The following FRMD3 variants were observed in gnomAD, a reference collection of about 807,000 sequenced individuals.
FRMD3 encodes the protein FERM domain-containing protein 3.
Under a neutral mutation model 70.2 loss-of-function variants are expected in FRMD3, and 33 were observed. That is an observed-to-expected ratio of 0.47 (90% CI 0.36 to 0.63). The LOEUF (loss-of-function observed/expected upper bound fraction) is 0.63, where lower values mean the gene tolerates loss of function less well. Ranked by LOEUF, FRMD3 falls within the 20% of genes least tolerant of loss-of-function variation. The probability of loss-of-function intolerance (pLI) is 0.00; values close to 1 mark genes in which losing one functional copy is unlikely to be tolerated. For synonymous variants in FRMD3, 279 were observed against 255.9 expected, an observed-to-expected ratio of 1.09 and a Z score of -0.86; for missense variants, 632 against 711.4, an observed-to-expected ratio of 0.89 and a Z score of 1.27.
chr9:83,284,061 ATT>A (rs71365307), intron 13 of FRMD3, among the ~76,000 whole-genome samples: 48,601 of 98,030 alleles, frequency 0.5, 10,583 homozygotes, highest in Middle Eastern at 0.59. Flanking sequence ...CTAGGATGTT[ATT>A]TTTTTTTTTT....
intron 3 of FRMD3, among the ~76,000 whole-genome samples, chr9:83,372,568 A>G (rs1223686612): frequency 6.6e-6 from 1 of 152,078 alleles, no homozygotes; most frequent in African/African-American, 2.4e-5. Context: ...TCCCACACTT[A>G]ATGACTAACC....
intron 1 of FRMD3, among the ~76,000 whole-genome samples, chr9:83,428,064 T>C (rs1826863711): frequency 1.3e-5 from 2 of 152,138 alleles, no homozygotes; most frequent in African/African-American, 4.8e-5. Context: ...GTAGCAAACA[T>C]GACTATAAAA....
intron 2 of FRMD3, among the ~76,000 whole-genome samples, chr9:83,384,314 G>T (rs1342703226): frequency 6.6e-6 from 1 of 152,178 alleles, no homozygotes; most frequent in Non-Finnish European, 1.5e-5. Flanking sequence ...GTGATGAGCA[G>T]CTGTGAAGTA....
In FRMD3 at chr9:83,537,890, C is replaced by T. The variant is rs11999979; in HGVS notation, c.147+195G>A. 1.7e-3 allele frequency among the ~76,000 whole-genome samples: 259 copies of T among 151,952 alleles called. 1 individual carries two copies. The highest frequency in any genetic ancestry group is 6.0e-3 in the African/African-American group (250 of 41,448). On this transcript the variant is annotated intron_variant, in intron 1 of 13. Coordinates refer to ENST00000304195, the MANE Select transcript of FRMD3 (RefSeq NM_174938.6). This position sits in a 1 kb window ranked among gnomAD's most constrained non-coding sequence, Gnocchi z 4.1. Reference sequence around the variant, plus strand: ...GGGCGCGGATAACGCGTGCCTGGCGCTTGCAGGGCACCATGCCCCTCCATG... The same window carrying T: ...GGGCGCGGATAACGCGTGCCTGGCGTTTGCAGGGCACCATGCCCCTCCATG...
chr9:83,433,451 C>T (rs757592592), intron 1 of FRMD3, among the ~76,000 whole-genome samples: 2 of 152,186 alleles, frequency 1.3e-5, no homozygotes, highest in Non-Finnish European at 2.9e-5. Context: ...CAGCAGTCCC[C>T]AACCTTTTTG....
intron 12 of FRMD3, among the ~76,000 whole-genome samples, chr9:83,295,455 T>C (rs1436885895): frequency 2.0e-5 from 3 of 152,208 alleles, no homozygotes; most frequent in African/African-American, 7.2e-5. Context: ...CAGTTTTTCA[T>C]TTTTGGATAA....
chr9:83,275,604 CAT>C (rs1368982577), intron 13 of FRMD3, among the ~76,000 whole-genome samples: 1 of 152,154 alleles, frequency 6.6e-6, no homozygotes, highest in African/African-American at 2.4e-5. Context: ...GATCAAGCAC[CAT>C]ATACTGTGAA....
chr9:83,470,004 T>C (rs1341600240), intron 1 of FRMD3, among the ~76,000 whole-genome samples: 1 of 152,224 alleles, frequency 6.6e-6, no homozygotes, highest in Non-Finnish European at 1.5e-5. Flanking sequence ...CTTTTTAAAG[T>C]ACAGTTGATC....
intron 4 of FRMD3, among the ~76,000 whole-genome samples, chr9:83,344,383 T>A (rs1823880066): frequency 6.6e-6 from 1 of 152,166 alleles, no homozygotes; most frequent in Non-Finnish European, 1.5e-5. Flanking sequence ...GTCAACTGGA[T>A]TGAGCCATGG....
At chr9:83,528,546 T>A (rs894432457) in intron 1 of FRMD3, among the ~76,000 whole-genome samples, 11 of 152,104 alleles carry the variant, frequency 7.2e-5, no homozygotes, top group African/African-American at 2.7e-4. Flanking sequence ...CAATTTTTTT[T>A]TTTGAGACAG....
the FRMD3 span, among the ~76,000 whole-genome samples, chr9:83,575,862 A>G: frequency 3.9e-5 from 6 of 152,166 alleles, no homozygotes; most frequent in African/African-American, 1.4e-4. Context: ...ATACTCTTCT[A>G]GAAAATAGAA....
chr9:83,467,670 T>A (rs1472876121), intron 1 of FRMD3: 5 of 1,535,200 alleles, frequency 3.3e-6, no homozygotes, highest in Non-Finnish European at 4.4e-6. Flanking sequence ...ACAAAAAGGA[T>A]TTGCAGTGCC....
intron 13 of FRMD3, among the ~76,000 whole-genome samples, chr9:83,274,971 G>C (rs1274535582): frequency 6.6e-6 from 1 of 152,208 alleles, no homozygotes; most frequent in South Asian, 2.1e-4. Context: ...TGGCTTCCAG[G>C]CCTCTTGCTG....
At chr9:83,267,651 T>G (rs1489812346) in intron 13 of FRMD3, among the ~76,000 whole-genome samples, 5 of 152,248 alleles carry the variant, frequency 3.3e-5, no homozygotes, top group African/African-American at 7.2e-5. Context: ...TTACAATTAA[T>G]TTTAATAATG....
intron 2 of FRMD3, among the ~76,000 whole-genome samples, chr9:83,385,595 G>T (rs761691495): frequency 1.3e-5 from 2 of 152,006 alleles, no homozygotes; most frequent in Non-Finnish European, 2.9e-5. Context: ...ACTGTAAATC[G>T]AGTTGTAGGC....
chr9:83,544,413 T>C, the FRMD3 span, among the ~76,000 whole-genome samples: 3 of 152,138 alleles, frequency 2.0e-5, no homozygotes, highest in African/African-American at 7.2e-5. Flanking sequence ...CCAGCTTGAC[T>C]CAGCTTTGGC....
intron 4 of FRMD3, among the ~76,000 whole-genome samples, chr9:83,346,659 A>C (rs1185502912): frequency 6.6e-6 from 1 of 152,240 alleles, no homozygotes; most frequent in Non-Finnish European, 1.5e-5. Flanking sequence ...TAAACTGTAC[A>C]CTTCAATATC....
intron 10 of FRMD3, among the ~76,000 whole-genome samples, chr9:83,306,240 C>T (rs1835131863): frequency 6.6e-6 from 1 of 152,212 alleles, no homozygotes; most frequent in African/African-American, 2.4e-5. Context: ...CTGTGTGGCT[C>T]TAAAGGAAGG....
intron 13 of FRMD3, among the ~76,000 whole-genome samples, chr9:83,264,350 G>T (rs1334939362): frequency 6.6e-6 from 1 of 152,188 alleles, no homozygotes; most frequent in Non-Finnish European, 1.5e-5. Context: ...TTTTAGGGCA[G>T]TCAAACTATT....
Sources: allele counts gnomAD v4.1 joint callset (sites outside exome capture counted in the v4.1 genomes callset), GRCh38; gene constraint gnomAD v4.1.1; non-coding constraint Gnocchi (gnomAD v3.1); transcripts MANE v1.5; gene names NCBI Gene and HGNC (gene_info 2026-07-23, HGNC 2026-07-21).